Variants in CYP24A1 observed in about 807,000 individuals in gnomAD.
CYP24A1 encodes the protein cytochrome P450 family 24 subfamily A member 1.
In CYP24A1, 68 loss-of-function variants were observed where a neutral mutation model predicts 62.4. The observed-to-expected ratio is 1.09, with a 90% CI of 0.90 to 1.33. CYP24A1 has a LOEUF of 1.33. CYP24A1 is among the 40% of genes most tolerant of loss of function. The pLI, the probability that CYP24A1 is intolerant of heterozygous loss-of-function variation, is 0.00. For synonymous variants in CYP24A1, 267 were observed against 253.0 expected, an observed-to-expected ratio of 1.06 and a Z score of -0.52; for missense variants, 787 against 653.0, an observed-to-expected ratio of 1.21 and a Z score of -2.24.
intron 7 of CYP24A1, 101 bp from the exon 8 acceptor site, chr20:54,159,224 G>GT: frequency 1.1e-6 from 1 of 922,458 alleles, no homozygotes; most frequent in South Asian, 1.3e-5. Flanking sequence ...TTCTGCAAAT[G>GT]TATCAGTGAA....
At chr20:54,166,310 G>T (rs1196225162) in intron 4 of CYP24A1, among the ~76,000 whole-genome samples, 2 of 151,736 alleles carry the variant, frequency 1.3e-5, no homozygotes, top group Non-Finnish European at 2.9e-5. Flanking sequence ...TTCATATAGG[G>T]TTTTTTTTCC....
In CYP24A1 at chr20:54,173,129, A is replaced by C. The variant is rs376670446; in HGVS notation, c.259-30T>G. On this transcript the variant is annotated intron_variant, in intron 1 of 11. Coordinates refer to ENST00000216862, the MANE Select transcript of CYP24A1 (RefSeq NM_000782.5). This position sits in a 1 kb window ranked among gnomAD's most constrained non-coding sequence, Gnocchi z 7.2. ...AGCCGGCCGGGCACAGCGCGGTGTC[A>C]GCGCGCATCCTCCGCCGTGCCCGAA... 7.1e-5 allele frequency: 114 copies of C among 1,598,942 alleles called. No homozygotes were observed. The highest frequency in any genetic ancestry group is 8.9e-5 in the Non-Finnish European group (105 of 1,178,038).
In CYP24A1 at chr20:54,173,150, C is replaced by G; in HGVS notation, c.259-51G>C. 6.3e-7 allele frequency: 1 copy of G among 1,591,170 alleles called. No homozygotes were observed. The highest frequency in any genetic ancestry group is 8.5e-7 in the Non-Finnish European group (1 of 1,170,784). On this transcript the variant is annotated intron_variant, in intron 1 of 11. Coordinates refer to ENST00000216862, the MANE Select transcript of CYP24A1 (RefSeq NM_000782.5). This position sits in a 1 kb window ranked among gnomAD's most constrained non-coding sequence, Gnocchi z 7.2. Reference sequence around the variant, plus strand: ...TGTCAGCGCGCATCCTCCGCCGTGCCCGAAGCGCTTTCCCTCCTCCCGCCT... The same window carrying G: ...TGTCAGCGCGCATCCTCCGCCGTGCGCGAAGCGCTTTCCCTCCTCCCGCCT...
chr20:54,154,892 T>C (rs914981399), intron 11 of CYP24A1, 131 bp from the exon 12 acceptor site: 3 of 125,442 alleles, frequency 2.4e-5, no homozygotes, highest in African/African-American at 9.2e-5. Context: ...GTAGAAGCCA[T>C]AAGCACCATT....
At chr20:54,159,237 T>C (rs1240375173) in intron 7 of CYP24A1, 114 bp from the exon 8 acceptor site, 3 of 813,224 alleles carry the variant, frequency 3.7e-6, no homozygotes, top group Admixed American at 3.7e-5. Context: ...TCAGTGAAGC[T>C]CTTTCACGCG....
intron 7 of CYP24A1, among the ~76,000 whole-genome samples, chr20:54,159,853 C>T (rs1249666859): frequency 2.0e-5 from 3 of 152,118 alleles, no homozygotes; most frequent in Non-Finnish European, 4.4e-5. Flanking sequence ...GTAACGGATG[C>T]AAGGGATCCC....
the CYP24A1 span, among the ~76,000 whole-genome samples, chr20:54,147,632 T>C: frequency 1.3e-5 from 2 of 152,222 alleles, no homozygotes; most frequent in South Asian, 4.1e-4. Context: ...TTACTGAGAA[T>C]TCATCATGTA....
Position 54,172,927 on chromosome 20 carries a change from C to G in CYP24A1, c.431G>C (p.Gly144Ala), listed in dbSNP as rs759176351. The G allele has an allele frequency of 6.2e-7, 1 of 1,613,884 alleles. No homozygotes were observed. Among genetic ancestry groups the G allele is most frequent in the African/African-American group, 1.3e-5 (1 of 75,064 alleles). ...WKAYRDYRKEGYGLLILEGED... is the reference protein window; with the variant it reads ...WKAYRDYRKEAYGLLILEGED... ...GACTCACAGGATCAGCAGCCCGTAG[C>G]CTTCTTTGCGGTAGTCGCGATAGGC... is the stretch of plus-strand genomic sequence containing the variant. Residue 144 changes from glycine to alanine, a missense_variant, in exon 2 of 12, where the codon GGC (glycine) becomes GCC (alanine). Gly to Ala is a moderately conservative substitution (Grantham distance 60). Coordinates refer to ENST00000216862, the MANE Select transcript of CYP24A1 (RefSeq NM_000782.5).
At chr20:54,159,995 T>C (rs2092644500) in intron 7 of CYP24A1, among the ~76,000 whole-genome samples, 1 of 152,144 alleles carries the variant, frequency 6.6e-6, no homozygotes, top group East Asian at 1.9e-4. Flanking sequence ...ATCCTCAGGG[T>C]GTTGCTAATG....
chr20:54,162,114 A>G (rs2092652560), intron 7 of CYP24A1, among the ~76,000 whole-genome samples: 1 of 151,846 alleles, frequency 6.6e-6, no homozygotes, highest in South Asian at 2.1e-4. Context: ...TGGTCTTTAC[A>G]ATGAGCTGTT....
rs900985438 is a variant in CYP24A1 at position 54,170,906 on chromosome 20, C to T, written c.543+671G>A. Among the ~76,000 whole-genome samples, 3 of 152,276 alleles carry T rather than the reference C, an allele frequency of 2.0e-5. No individual in the cohort carries two copies. The East Asian group carries it at 5.8e-4, about 29-fold the overall frequency. On this transcript the variant is annotated intron_variant, in intron 3 of 11. Transcript: ENST00000216862. ...AGAGATTACTTTATGCTTAAAACTC[C>T]CTTTGACTCCGTGCTGGCTAAGGGA...
the CYP24A1 span, among the ~76,000 whole-genome samples, chr20:54,148,367 CAG>C: frequency 5.0e-5 from 6 of 120,652 alleles, no homozygotes; most frequent in African/African-American, 1.6e-4. Flanking sequence ...CACAGACACA[CAG>C]ACACACACAC....
At chr20:54,170,924 C>T (rs1041419123) in intron 3 of CYP24A1, among the ~76,000 whole-genome samples, 1 of 152,212 alleles carries the variant, frequency 6.6e-6, no homozygotes, top group Admixed American at 6.5e-5. Flanking sequence ...TCCGTGCTGG[C>T]TAAGGGATAA....
chr20:54,149,918 C>A (rs2092610081), downstream of CYP24A1, among the ~76,000 whole-genome samples: 1 of 152,152 alleles, frequency 6.6e-6, no homozygotes, highest in African/African-American at 2.4e-5. Context: ...TGTGACATGG[C>A]CCCTAGACAT....
chr20:54,151,586 C>T (rs754432853), downstream of CYP24A1, among the ~76,000 whole-genome samples: 10 of 151,982 alleles, frequency 6.6e-5, no homozygotes, highest in Non-Finnish European at 1.2e-4. Flanking sequence ...CCTGCTCTGT[C>T]GCCAGGCTGG....
In CYP24A1 at chr20:54,173,877, C is replaced by T; in HGVS notation, c.-298G>A. The T allele has an allele frequency of 2.0e-6, 1 of 501,294 alleles. No homozygotes were observed. Among genetic ancestry groups the T allele is most frequent in the Non-Finnish European group, 3.6e-6 (1 of 277,626 alleles). The allele number at this position is 501,294 out of a possible 1,614,324, so 31.1% of individuals were successfully genotyped here. On this transcript the variant is annotated 5_prime_UTR_variant, in exon 1 of 12. Coordinates refer to ENST00000216862, the MANE Select transcript of CYP24A1 (RefSeq NM_000782.5). The surrounding 1 kb of genome is among the most constrained non-coding windows in gnomAD (Gnocchi z 7.2). ...TTGAAAAGGGAAAGCTGGGAGTCCTCCTGTTGGTCCGCAAGGCTGACCTCT... is the reference window on the plus strand; with the variant it reads ...TTGAAAAGGGAAAGCTGGGAGTCCTTCTGTTGGTCCGCAAGGCTGACCTCT...
At chr20:54,166,497 C>CA (rs2146491956) in intron 4 of CYP24A1, among the ~76,000 whole-genome samples, 1 of 152,282 alleles carries the variant, frequency 6.6e-6, no homozygotes, top group Non-Finnish European at 1.5e-5. Context: ...TGTATGCATA[C>CA]AAGTGTATAC....
At chr20:54,159,224 G>A in intron 7 of CYP24A1, 101 bp from the exon 8 acceptor site, 1 of 922,458 alleles carries the variant, frequency 1.1e-6, no homozygotes, top group Non-Finnish European at 1.8e-6. Flanking sequence ...TTCTGCAAAT[G>A]TATCAGTGAA....
At chr20:54,161,648 C>A (rs1057190800) in intron 7 of CYP24A1, among the ~76,000 whole-genome samples, 2 of 151,704 alleles carry the variant, frequency 1.3e-5, no homozygotes, top group Non-Finnish European at 2.9e-5. Context: ...TAAGCCATTG[C>A]CCTCAGAGAG....
Sources: allele counts gnomAD v4.1 joint callset (sites outside exome capture counted in the v4.1 genomes callset), GRCh38; gene constraint gnomAD v4.1.1; non-coding constraint Gnocchi (gnomAD v3.1); transcripts MANE v1.5; gene names NCBI Gene and HGNC (gene_info 2026-07-23, HGNC 2026-07-21).